Variants in ADGRD1 observed in about 807,000 individuals in gnomAD.
ADGRD1 encodes the protein G-protein coupled receptor 133.
Under a neutral mutation model 113.4 loss-of-function variants are expected in ADGRD1, and 77 were observed. The ratio of observed to expected loss-of-function variants is 0.68; its 90% confidence interval spans 0.57 to 0.82. The LOEUF is 0.82. Among genes scored for constraint, ADGRD1 ranks in the 40% least tolerant of loss-of-function variants. The pLI, the probability that ADGRD1 is intolerant of heterozygous loss-of-function variation, is 0.00. For synonymous variants in ADGRD1, 474 were observed against 475.0 expected (o/e 1.00, Z 0.03); for missense variants, 1,036 against 1,139.1 (o/e 0.91, Z 1.30).
At chr12:130,959,975 G>A (rs571453496) in intron 2 of ADGRD1, among the ~76,000 whole-genome samples, 1 of 152,324 alleles carries the variant, frequency 6.6e-6, no homozygotes, top group Admixed American at 6.5e-5. Flanking sequence ...AGGGTCGGCA[G>A]AGTCCGGGCC....
chr12:130,955,466 G>A (rs1247169592), intron 2 of ADGRD1, among the ~76,000 whole-genome samples: 2 of 152,196 alleles, frequency 1.3e-5, no homozygotes, highest in Non-Finnish European at 2.9e-5. Context: ...GCATCAGGAC[G>A]GGGCTTCTCT....
chr12:130,961,192 G>A (rs1356689146), intron 2 of ADGRD1, among the ~76,000 whole-genome samples: 1 of 152,106 alleles, frequency 6.6e-6, no homozygotes, highest in Non-Finnish European at 1.5e-5. Flanking sequence ...AGAAGAATAG[G>A]GAAATCTGGA....
chr12:130,992,468 C>A, intron 8 of ADGRD1, 76 bp downstream of exon 8: 2 of 1,280,708 alleles, frequency 1.6e-6, no homozygotes, highest in Non-Finnish European at 2.2e-6. Context: ...TTCTGTTTGA[C>A]CTAGATCGAG....
intron 13 of ADGRD1, among the ~76,000 whole-genome samples, chr12:131,015,575 A>AATGGAG (rs1337792453): frequency 2.6e-5 from 3 of 116,538 alleles, no homozygotes; most frequent in Non-Finnish European, 3.6e-5. Flanking sequence ...TGGAGATGGG[A>AATGGAG]ATGGAGATGG....
chr12:131,105,705 G>A, intron 16 of ADGRD1, 49 bp from the exon 17 acceptor site: 2 of 1,448,700 alleles, frequency 1.4e-6, no homozygotes, highest in Non-Finnish European at 1.9e-6. Context: ...CAGCCTGGGG[G>A]ACTGGGTCGG....
chr12:131,123,638 A>G (rs1231438366), intron 20 of ADGRD1, among the ~76,000 whole-genome samples: 1 of 151,712 alleles, frequency 6.6e-6, no homozygotes, highest in Non-Finnish European at 1.5e-5. Context: ...TGGCTAACAC[A>G]GTGAAACCCC....
chr12:131,110,230 T>A (rs1490058124), intron 18 of ADGRD1, among the ~76,000 whole-genome samples: 2 of 152,206 alleles, frequency 1.3e-5, no homozygotes, highest in Non-Finnish European at 2.9e-5. Flanking sequence ...ACATCAACAA[T>A]TTTTCTCTTT....
chr12:130,971,975 G>A lies in ADGRD1; in HGVS notation c.310+395G>A, dbSNP rs907542910. 5.9e-5 allele frequency among the ~76,000 whole-genome samples: 9 copies of A among 152,274 alleles called. No homozygotes were observed. The highest frequency in any genetic ancestry group is 3.9e-4 in the East Asian group (2 of 5,184). Reference sequence around the variant, plus strand: ...TGGCTCTGGGATGTTGACGGTGAGCGGGCAGGGCATACCCAAGAACACTTG... The same window carrying A: ...TGGCTCTGGGATGTTGACGGTGAGCAGGCAGGGCATACCCAAGAACACTTG... On this transcript the variant is annotated intron_variant, in intron 4 of 24. Transcript: ENST00000261654. The surrounding 1 kb of genome is among the most constrained non-coding windows in gnomAD (Gnocchi z 4.2).
At chr12:131,109,657 A>G (rs573663824) in intron 18 of ADGRD1, among the ~76,000 whole-genome samples, 3 of 152,344 alleles carry the variant, frequency 2.0e-5, no homozygotes, top group Non-Finnish European at 4.4e-5. Flanking sequence ...CTTAGTAAGT[A>G]TCTATCCTGG....
At chr12:130,997,987 C>T (rs901906143) in intron 8 of ADGRD1, among the ~76,000 whole-genome samples, 7 of 152,054 alleles carry the variant, frequency 4.6e-5, no homozygotes, top group African/African-American at 7.2e-5. Flanking sequence ...GGATCACTCG[C>T]GGTTAGGAGC....
chr12:131,137,425 G>A (rs542815449), intron 23 of ADGRD1, among the ~76,000 whole-genome samples: 2 of 152,350 alleles, frequency 1.3e-5, no homozygotes, highest in Non-Finnish European at 1.5e-5. Flanking sequence ...TTATTCTTTC[G>A]GTGCTGCTCT....
intron 12 of ADGRD1, among the ~76,000 whole-genome samples, chr12:131,013,294 G>T (rs765427826): frequency 6.6e-6 from 1 of 152,154 alleles, no homozygotes; most frequent in Non-Finnish European, 1.5e-5. Flanking sequence ...TCTGCAGAGG[G>T]CTGGCTTCAG....
intron 10 of ADGRD1, 25 bp from the exon 11 acceptor site, chr12:131,004,161 C>T (rs367782288): frequency 2.7e-5 from 40 of 1,465,530 alleles, no homozygotes; most frequent in African/African-American, 2.5e-4. Context: ...ACGGGACTTC[C>T]GCTCTCTCGC....
chr12:131,121,610 C>T (rs953775386), intron 20 of ADGRD1, among the ~76,000 whole-genome samples: 2 of 152,148 alleles, frequency 1.3e-5, no homozygotes, highest in South Asian at 2.1e-4. Context: ...GAACTCCTGA[C>T]CTCAGGTGAT....
chr12:131,019,347 A>T (rs1879024918), intron 13 of ADGRD1, among the ~76,000 whole-genome samples: 1 of 152,114 alleles, frequency 6.6e-6, no homozygotes, highest in Non-Finnish European at 1.5e-5. Flanking sequence ...AGTTCCACTG[A>T]GGCTCTGGAC....
At chr12:131,021,755 T>A (rs7964587) in intron 13 of ADGRD1, among the ~76,000 whole-genome samples, 1 of 152,080 alleles carries the variant, frequency 6.6e-6, no homozygotes, top group African/African-American at 2.4e-5. Context: ...TTGCCCAGGC[T>A]GGAGTGCAGA....
At chr12:131,040,555 G>A (rs186589939) in intron 13 of ADGRD1, among the ~76,000 whole-genome samples, 7 of 152,358 alleles carry the variant, frequency 4.6e-5, no homozygotes, top group Non-Finnish European at 8.8e-5. Flanking sequence ...GAGCACCACC[G>A]TGGGCAGCCT....
chr12:131,136,577 C>T (rs1951092797), intron 22 of ADGRD1, among the ~76,000 whole-genome samples: 1 of 152,214 alleles, frequency 6.6e-6, no homozygotes, highest in Admixed American at 6.5e-5. Context: ...CCCACAGGCC[C>T]CCAAGGAAGG....
chr12:130,960,613 T>C (rs184515355), intron 2 of ADGRD1, among the ~76,000 whole-genome samples: 55 of 152,044 alleles, frequency 3.6e-4, no homozygotes, highest in Middle Eastern at 3.4e-3. Context: ...AGTTTTTAAA[T>C]TGCTAACATT....
Sources: gnomAD v4.1 joint callset for allele counts (sites outside exome capture counted in the v4.1 genomes callset) on GRCh38, gnomAD v4.1.1 for gene constraint, Gnocchi (gnomAD v3.1) non-coding constraint, MANE v1.5 for transcripts, NCBI Gene and HGNC (gene_info 2026-07-23, HGNC 2026-07-21) for gene names.